CLSTN2: variants seen among roughly 807,000 people sequenced by gnomAD.
The protein encoded by CLSTN2 is calsyntenin-2.
Under a neutral mutation model 101.2 loss-of-function variants are expected in CLSTN2, and 48 were observed. The observed-to-expected ratio is 0.47, with a 90% CI of 0.38 to 0.60. The LOEUF (loss-of-function observed/expected upper bound fraction) is 0.60. CLSTN2 is among the 20% of genes least tolerant of loss of function. CLSTN2 has a pLI of 0.00. For synonymous variants in CLSTN2, 481 were observed against 463.6 expected (o/e 1.04, Z -0.48); for missense variants, 1,160 against 1,238.2 (o/e 0.94, Z 0.95).
intron 1 of CLSTN2, among the ~76,000 whole-genome samples, chr3:139,974,036 T>C (rs1486356549): frequency 6.6e-6 from 1 of 152,226 alleles, no homozygotes; most frequent in African/African-American, 2.4e-5. Context: ...GAATTTAGTT[T>C]AGCATTGTGA....
chr3:140,127,375 T>A (rs759905799), intron 1 of CLSTN2, among the ~76,000 whole-genome samples: 12 of 152,234 alleles, frequency 7.9e-5, no homozygotes, highest in Non-Finnish European at 1.6e-4. Flanking sequence ...TATAAAATTC[T>A]GAGAATAGGC....
At chr3:140,523,633 A>T (rs1935080737) in intron 8 of CLSTN2, among the ~76,000 whole-genome samples, 1 of 152,186 alleles carries the variant, frequency 6.6e-6, no homozygotes, top group South Asian at 2.1e-4. Context: ...TACTATTATT[A>T]TCCTCACTTC....
intron 1 of CLSTN2, among the ~76,000 whole-genome samples, chr3:139,942,371 A>G (rs1278083168): frequency 2.0e-5 from 3 of 152,142 alleles, no homozygotes; most frequent in Middle Eastern, 3.4e-3. Context: ...ATGTGTTTGG[A>G]GGGGTCTCCT....
chr3:140,081,847 T>A (rs1458270068), intron 1 of CLSTN2, among the ~76,000 whole-genome samples: 1 of 152,228 alleles, frequency 6.6e-6, no homozygotes, highest in Non-Finnish European at 1.5e-5. Flanking sequence ...CAAAAGCTGT[T>A]TGACCTTCAG....
intron 5 of CLSTN2, among the ~76,000 whole-genome samples, chr3:140,444,993 C>T (rs1003427683): frequency 5.9e-5 from 9 of 152,202 alleles, no homozygotes; most frequent in Admixed American, 3.3e-4. Flanking sequence ...TTTGTGTGAG[C>T]GTCTCACTCT....
chr3:140,280,313 G>T (rs1487104963), intron 2 of CLSTN2, among the ~76,000 whole-genome samples: 1 of 152,098 alleles, frequency 6.6e-6, no homozygotes, highest in African/African-American at 2.4e-5. Flanking sequence ...TCGGATCCTG[G>T]GTCTTTTTTG....
At chr3:140,498,518 T>C (rs1934512183) in intron 8 of CLSTN2, among the ~76,000 whole-genome samples, 1 of 152,248 alleles carries the variant, frequency 6.6e-6, no homozygotes, top group Non-Finnish European at 1.5e-5. Context: ...CAGAGACATG[T>C]ATGATACATC....
intron 2 of CLSTN2, among the ~76,000 whole-genome samples, chr3:140,264,128 T>G (rs2086675770): frequency 1.3e-5 from 2 of 152,022 alleles, no homozygotes; most frequent in African/African-American, 4.8e-5. Flanking sequence ...TTTGTTTCCA[T>G]CTCTCATACT....
At chr3:140,475,549 C>T (rs1161791619) in intron 8 of CLSTN2, among the ~76,000 whole-genome samples, 1 of 152,244 alleles carries the variant, frequency 6.6e-6, no homozygotes, top group Admixed American at 6.5e-5. Flanking sequence ...AAGAGAGCTA[C>T]AGGGATGCCA....
At chr3:140,394,773 A>C (rs181008084) in intron 2 of CLSTN2, among the ~76,000 whole-genome samples, 1 of 152,338 alleles carries the variant, frequency 6.6e-6, no homozygotes, top group African/African-American at 2.4e-5. Flanking sequence ...CCTGACCCAT[A>C]GTAAACACTG....
At chr3:140,395,945 A>G (rs2088177898) in intron 2 of CLSTN2, among the ~76,000 whole-genome samples, 1 of 152,204 alleles carries the variant, frequency 6.6e-6, no homozygotes, top group East Asian at 1.9e-4. Flanking sequence ...GAGAGGCTTT[A>G]TAAGAGCCAG....
intron 1 of CLSTN2, among the ~76,000 whole-genome samples, chr3:140,012,546 G>A (rs2007100965): frequency 6.6e-6 from 1 of 152,090 alleles, no homozygotes; most frequent in Non-Finnish European, 1.5e-5. Flanking sequence ...GGGAAGAAGG[G>A]GCAAAGGGGA....
chr3:140,157,205 T>C (rs1394868675), intron 1 of CLSTN2, among the ~76,000 whole-genome samples: 1 of 152,038 alleles, frequency 6.6e-6, no homozygotes, highest in Non-Finnish European at 1.5e-5. Context: ...CTAAAGGTTT[T>C]TTTTTTCCCC....
chr3:140,513,118 T>A (rs1048794924), intron 8 of CLSTN2, among the ~76,000 whole-genome samples: 1 of 152,156 alleles, frequency 6.6e-6, no homozygotes, highest in Non-Finnish European at 1.5e-5. Context: ...CTTGCTTGAT[T>A]TCCTGGGCCA....
intron 2 of CLSTN2, among the ~76,000 whole-genome samples, chr3:140,189,004 A>G (rs1049405796): frequency 1.3e-5 from 2 of 152,158 alleles, no homozygotes; most frequent in Admixed American, 1.3e-4. Flanking sequence ...TAAATATATG[A>G]TATGAATGGA....
intron 2 of CLSTN2, among the ~76,000 whole-genome samples, chr3:140,285,258 TACTC>T (rs1344551472): frequency 1.3e-5 from 2 of 152,184 alleles, no homozygotes; most frequent in African/African-American, 4.8e-5. Context: ...ATTATTTAAA[TACTC>T]ATATATACCC....
chr3:140,364,116 T>C (rs1254063402), intron 2 of CLSTN2, among the ~76,000 whole-genome samples: 2 of 152,198 alleles, frequency 1.3e-5, no homozygotes, highest in Non-Finnish European at 2.9e-5. Context: ...ACTTTTTTAA[T>C]GAGTCCTCCA....
intron 9 of CLSTN2, among the ~76,000 whole-genome samples, chr3:140,544,246 A>G (rs547927140): frequency 1.3e-5 from 2 of 152,236 alleles, no homozygotes; most frequent in Non-Finnish European, 2.9e-5. Flanking sequence ...TCAGCCCCTA[A>G]CACTTGCTCA....
intron 1 of CLSTN2, among the ~76,000 whole-genome samples, chr3:140,042,806 G>C (rs1481480038): frequency 1.3e-5 from 2 of 152,138 alleles, no homozygotes; most frequent in Admixed American, 6.6e-5. Context: ...AGTTTGCTGA[G>C]AATGATGGTT....
Sources: gnomAD v4.1 joint callset for allele counts (sites outside exome capture counted in the v4.1 genomes callset) on GRCh38, gnomAD v4.1.1 for gene constraint, MANE v1.5 for transcripts, NCBI Gene and HGNC (gene_info 2026-07-23, HGNC 2026-07-21) for gene names.